Variants in PTDSS2 observed in about 807,000 individuals in gnomAD.
The protein encoded by PTDSS2 is phosphatidylserine synthase 2.
Under a neutral mutation model 64.7 loss-of-function variants are expected in PTDSS2, and 41 were observed. That is an observed-to-expected ratio of 0.63 (90% CI 0.49 to 0.82). PTDSS2 has a LOEUF of 0.82. PTDSS2 is among the 40% of genes least tolerant of loss of function. The probability of loss-of-function intolerance (pLI) is 0.00; values close to 1 mark genes in which losing one functional copy is unlikely to be tolerated. For synonymous variants in PTDSS2, 297 were observed against 277.8 expected, an observed-to-expected ratio of 1.07 and a Z score of -0.69; for missense variants, 485 against 650.0, an observed-to-expected ratio of 0.75 and a Z score of 2.76.
rs1435295585 is a variant in PTDSS2 at position 485,739 on chromosome 11, A to T, written c.436-1200A>T. Among the ~76,000 whole-genome samples the T allele has an allele frequency of 1.6e-5, 2 of 124,850 alleles. 1 individual carries two copies. The highest frequency in any genetic ancestry group is 3.3e-5 in the Non-Finnish European group (2 of 60,086). The allele number at this position is 124,850 out of a possible 152,430, so 81.9% of individuals were successfully genotyped here. On this transcript the variant is annotated intron_variant, in intron 4 of 11. Transcript: ENST00000308020. ...GTAAACTGCACGGGCGCGTGTGCTC[A>T]CTGCGCAGGCGAGCGTAAACAGTGC...
chr11:487,434 C>T lies in PTDSS2; in HGVS notation c.585C>T (p.Gly195=). 6.2e-7 allele frequency: 1 copy of T among 1,613,978 alleles called. No homozygotes were observed. Among genetic ancestry groups the T allele is most frequent in the Non-Finnish European group, 8.5e-7 (1 of 1,179,976 alleles). ...GTCGCCCACAGGACAAGTTGGATGGCTTTGTTCCCGCGCACTTTCTTGGCT... is the reference window on the plus strand; with the variant it reads ...GTCGCCCACAGGACAAGTTGGATGGTTTTGTTCCCGCGCACTTTCTTGGCT... The part of the protein sequence containing the change: ...PFHNIWDKLD[G]FVPAHFLGWY... The change falls in exon 6 of 12, where the codon GGC becomes GGT. Residue 195 remains glycine (G), a synonymous_variant. Transcript: ENST00000308020.
At position 479,529 on chromosome 11, in the gene PTDSS2, T is replaced by C. The variant is rs569254099; in HGVS notation, c.435+377T>C. The C allele has an allele frequency of 2.6e-4, 79 of 302,264 alleles. No homozygotes were observed. In the South Asian group the frequency reaches 2.9e-3, roughly 11 times the overall value. 18.7% of individuals were successfully genotyped at this position (302,264 alleles called of 1,614,324 possible). A position where few individuals can be genotyped will look rare whatever the true frequency, so the allele number is the denominator to read the frequency against. ...GGTGGCTTTGCCCACAGCTGTCGTA[T>C]CTGAGTGCTGGTGGGGACTGGGCGT... is the stretch of plus-strand genomic sequence containing the variant. On this transcript the variant is annotated intron_variant, in intron 4 of 11. Coordinates refer to ENST00000308020, the MANE Select transcript of PTDSS2 (RefSeq NM_030783.3). This position sits in a 1 kb window ranked among gnomAD's most constrained non-coding sequence, Gnocchi z 4.2.
At chr11:486,913 C>G (rs765363001) in intron 4 of PTDSS2, 26 bp from the exon 5 acceptor site, 1 of 1,589,608 alleles carries the variant, frequency 6.3e-7, no homozygotes, top group Admixed American at 1.8e-5. Flanking sequence ...ACTGTAGCCC[C>G]GCTGACGGGG....
chr11:475,942 G>A lies in PTDSS2; in HGVS notation c.367+1965G>A, dbSNP rs930001300. ...ATAAAATGTCCCAGAAGTGAGTATT[G>A]AATTAAAGGGCATACACAGTTTAAG... On this transcript the variant is annotated intron_variant, in intron 3 of 11. Transcript: ENST00000308020. Among the ~76,000 whole-genome samples the A allele has an allele frequency of 6.6e-5, 10 of 152,306 alleles. 1 individual carries two copies. In the South Asian group the frequency reaches 1.7e-3, roughly 25 times the overall value.
chr11:460,607 G>A lies in PTDSS2; in HGVS notation c.284+319G>A, dbSNP rs149822200. 1,556 of 287,342 alleles carry A rather than the reference G, an allele frequency of 5.4e-3. 23 individuals are homozygous for A. Among genetic ancestry groups the A allele is most frequent in the African/African-American group, 0.031 (1,446 of 46,332 alleles). The allele number at this position is 287,342 out of a possible 1,614,324, so 17.8% of individuals were successfully genotyped here. A position where few individuals can be genotyped will look rare whatever the true frequency, so the allele number is the denominator to read the frequency against. The stretch of plus-strand genomic sequence containing the variant: ...TGGAACGAGCTGCAGCAGCTACAGG[G>A]CTGAGCCCTTGAGTTTGGGCGTCTC... On this transcript the variant is annotated intron_variant, in intron 2 of 11. Transcript: ENST00000308020. The surrounding 1 kb of genome is among the most constrained non-coding windows in gnomAD (Gnocchi z 5.8).
At chr11:469,742 C>T (rs1847332288) in intron 2 of PTDSS2, among the ~76,000 whole-genome samples, 1 of 152,062 alleles carries the variant, frequency 6.6e-6, no homozygotes, top group South Asian at 2.1e-4. Flanking sequence ...GATCCTGGTT[C>T]CTAGTGCCCT....
chr11:474,088 C>CCT (rs1393848171), intron 3 of PTDSS2, 111 bp downstream of exon 3: 81 of 930,430 alleles, frequency 8.7e-5, no homozygotes, highest in Non-Finnish European at 1.3e-4. Flanking sequence ...CCGCCTGGCC[C>CCT]CTCCCCGAGG....
chr11:490,450 G>C lies in PTDSS2; in HGVS notation c.1332G>C (p.Arg444=). The C allele has an allele frequency of 6.2e-7, 1 of 1,613,124 alleles. No individual in the cohort carries two copies. Among genetic ancestry groups the C allele is most frequent in the Non-Finnish European group, 8.5e-7 (1 of 1,179,954 alleles). The change falls in exon 12 of 12, where the codon CGG becomes CGC. Residue 444 remains arginine (R), a synonymous_variant. Transcript: ENST00000308020. ...RDITLRYKET[R]WQKWQNKDDQ... The stretch of plus-strand genomic sequence containing the variant: ...TCACATTGAGGTACAAGGAGACCCG[G>C]TGGCAGAAGTGGCAGAACAAGGATG...
chr11:486,990 G>C lies in PTDSS2; in HGVS notation c.487G>C (p.Val163Leu). Reference protein sequence around the residue: ...FLKYVDPKLGVPLPERDYGGN... With the variant: ...FLKYVDPKLGLPLPERDYGGN... ...AAAGTATGTTGACCCCAAGCTGGGAGTCCCACTGCCAGAGAGAGACTACGG... is the reference window on the plus strand; with the variant it reads ...AAAGTATGTTGACCCCAAGCTGGGACTCCCACTGCCAGAGAGAGACTACGG... Residue 163 changes from valine (V) to leucine (L), a missense_variant, in exon 5 of 12, where the codon GTC becomes CTC. Coordinates refer to ENST00000308020, the MANE Select transcript of PTDSS2 (RefSeq NM_030783.3). 1.2e-6 allele frequency: 2 copies of C among 1,613,444 alleles called. No individual in the cohort carries two copies. The highest frequency in any genetic ancestry group is 1.3e-5 in the African/African-American group (1 of 75,072).
intron 1 of PTDSS2, among the ~76,000 whole-genome samples, chr11:452,923 G>A (rs966583329): frequency 6.6e-6 from 1 of 151,568 alleles, no homozygotes; most frequent in African/African-American, 2.4e-5. Flanking sequence ...TTAATAGAGG[G>A]TCCCCCTGTG....
chr11:450,695 C>CA, intron 1 of PTDSS2, 58 bp downstream of exon 1: 1 of 1,224,786 alleles, frequency 8.2e-7, no homozygotes, highest in Non-Finnish European at 1.0e-6. Flanking sequence ...GGGGTTCCGG[C>CA]ACCGCTGGCC....
intron 4 of PTDSS2, among the ~76,000 whole-genome samples, chr11:485,121 G>C (rs139668637): frequency 8.1e-6 from 1 of 122,800 alleles, no homozygotes; most frequent in African/African-American, 3.4e-5. Context: ...GCACGGGCGC[G>C]TGTGCTCACT....
chr11:480,219 C>G (rs919489625), intron 4 of PTDSS2: 3 of 150,026 alleles, frequency 2.0e-5, no homozygotes, highest in African/African-American at 7.5e-5. Context: ...TCCCGCCCTG[C>G]ACAGTGCCTC....
At chr11:453,101 C>T (rs2133749688) in intron 1 of PTDSS2, among the ~76,000 whole-genome samples, 1 of 152,196 alleles carries the variant, frequency 6.6e-6, no homozygotes, top group East Asian at 1.9e-4. Context: ...AATTTTGTTT[C>T]TCTGTGACTG....
At chr11:449,035 G>T (rs928271286), upstream of PTDSS2, among the ~76,000 whole-genome samples, 1 of 150,214 alleles carries the variant, frequency 6.7e-6, no homozygotes, top group African/African-American at 2.5e-5. Context: ...CACATAATGC[G>T]TAGTCTCCTG....
chr11:477,940 G>C (rs544239629), intron 3 of PTDSS2, among the ~76,000 whole-genome samples: 1 of 152,356 alleles, frequency 6.6e-6, no homozygotes, highest in South Asian at 2.1e-4. Context: ...AGAACGCCAG[G>C]GCGTTTGTAT....
intron 1 of PTDSS2, chr11:459,137 C>G (rs904080703): frequency 7.6e-4 from 79 of 104,286 alleles, no homozygotes; most frequent in African/African-American, 3.0e-3. Context: ...GACGTGAGGA[C>G]ACACTCCGGT....
At chr11:475,466 C>T (rs1847755446) in intron 3 of PTDSS2, among the ~76,000 whole-genome samples, 1 of 151,562 alleles carries the variant, frequency 6.6e-6, no homozygotes, top group African/African-American at 2.4e-5. Context: ...GATATATTCA[C>T]GCATTTGTGA....
intron 4 of PTDSS2, among the ~76,000 whole-genome samples, chr11:485,203 CGT>C (rs372346940): frequency 3.9e-5 from 5 of 128,480 alleles, no homozygotes; most frequent in East Asian, 2.4e-4. Flanking sequence ...TGCACAGGCG[CGT>C]GTGTGCTCAC....
Sources: allele counts gnomAD v4.1 joint callset (sites outside exome capture counted in the v4.1 genomes callset), GRCh38; gene constraint gnomAD v4.1.1; non-coding constraint Gnocchi (gnomAD v3.1); transcripts MANE v1.5; gene names NCBI Gene and HGNC (gene_info 2026-07-23, HGNC 2026-07-21).